The following LAMA3 variants were observed in gnomAD, a reference collection of about 807,000 sequenced individuals.
LAMA3 encodes the protein laminin subunit alpha-3.
In LAMA3, 281 loss-of-function variants were observed where a neutral mutation model predicts 402.0. That is an observed-to-expected ratio of 0.70 (90% confidence interval 0.63 to 0.77). The LOEUF (loss-of-function observed/expected upper bound fraction) is 0.77, where lower values mean the gene tolerates loss of function less well. Ranked by LOEUF, LAMA3 falls within the 30% of genes least tolerant of loss-of-function variation. The pLI is 0.00. For synonymous variants in LAMA3, 1,431 were observed against 1,558.4 expected (o/e 0.92, Z 1.93); for missense variants, 3,840 against 4,215.5 (o/e 0.91, Z 2.47).
rs760698946 is a variant in LAMA3, at chr18:23,921,589, A to G, written c.8177+4A>G. ...TTCCAATTGCAATCAGGGAAAGGTA[A>G]GATGATTTTTTTAAAACGAGATTTA... On this transcript the variant is annotated splice_donor_region_variant and intron_variant, in intron 62 of 74. Transcript: ENST00000313654. The G allele has an allele frequency of 7.4e-6, 12 of 1,613,732 alleles. No homozygotes were observed. Among genetic ancestry groups the G allele is most frequent in the Non-Finnish European group, 1.0e-5 (12 of 1,179,900 alleles).
At chr18:23,693,879 C>T (rs1426861676) in intron 1 of LAMA3, among the ~76,000 whole-genome samples, 2 of 152,202 alleles carry the variant, frequency 1.3e-5, no homozygotes, top group Non-Finnish European at 2.9e-5. Context: ...TACTAAGTGG[C>T]ACCTGAGTGG....
chr18:23,949,289 A>G (rs1163996559), intron 70 of LAMA3, among the ~76,000 whole-genome samples: 3 of 152,036 alleles, frequency 2.0e-5, no homozygotes, highest in Admixed American at 6.5e-5. Flanking sequence ...TGGCCTCTTT[A>G]TTTTTGTCAG....
intron 44 of LAMA3, among the ~76,000 whole-genome samples, chr18:23,897,882 G>A (rs2080928489): frequency 6.6e-6 from 1 of 152,124 alleles, no homozygotes; most frequent in Non-Finnish European, 1.5e-5. Flanking sequence ...CAACCCTGCA[G>A]CTAAATACGA....
At chr18:23,731,751 C>T (rs1340278758) in intron 2 of LAMA3, among the ~76,000 whole-genome samples, 2 of 147,178 alleles carry the variant, frequency 1.4e-5, no homozygotes, top group East Asian at 3.9e-4. Flanking sequence ...GCAACAACAG[C>T]CACTGGGGAC....
intron 73 of LAMA3, among the ~76,000 whole-genome samples, chr18:23,952,002 GTTGT>G (rs1007051261): frequency 2.6e-5 from 4 of 152,144 alleles, no homozygotes; most frequent in Admixed American, 2.0e-4. Context: ...TGCTGTTGTT[GTTGT>G]TTGTTTGTTT....
At position 23,765,484 on chromosome 18, in the gene LAMA3, C is replaced by A. The variant is rs541815205; in HGVS notation, c.1182+1961C>A. ...TTAATTGTCTCATAAAGAAAAAAAA[C>A]CATTTTTTAGAGGAATGCTAATGGA... On this transcript the variant is annotated intron_variant, in intron 8 of 74. Transcript: ENST00000313654. Among the ~76,000 whole-genome samples the A allele has an allele frequency of 1.1e-4, 17 of 152,166 alleles. No individual in the cohort carries two copies. The East Asian group carries it at 1.5e-3, about 14-fold the overall frequency.
chr18:23,922,456 A>G lies in LAMA3; in HGVS notation c.8177+871A>G, dbSNP rs976648421. On this transcript the variant is annotated intron_variant, in intron 62 of 74. Transcript: ENST00000313654. ...TCCTTATACATGTGGGCGTCTGTCC[A>G]TTCTACGTAGTCAGGTACTAATCTT... 2.0e-5 allele frequency among the ~76,000 whole-genome samples: 3 copies of G among 152,348 alleles called. 1 individual carries two copies. Among genetic ancestry groups the G allele is most frequent in the Admixed American group, 1.3e-4 (2 of 15,300 alleles).
At chr18:23,710,302 G>A (rs981713765) in intron 1 of LAMA3, 26 of 489,450 alleles carry the variant, frequency 5.3e-5, no homozygotes, top group Middle Eastern at 4.9e-4. Context: ...TGAAAAGACC[G>A]CAAGTTTGAT....
intron 12 of LAMA3, among the ~76,000 whole-genome samples, chr18:23,807,856 A>G (rs1206072771): frequency 6.6e-6 from 1 of 152,232 alleles, no homozygotes; most frequent in Non-Finnish European, 1.5e-5. Flanking sequence ...CCAAGTTGAC[A>G]CAAAATTAAC....
intron 48 of LAMA3, among the ~76,000 whole-genome samples, chr18:23,901,703 A>G (rs1323375017): frequency 2.0e-5 from 3 of 152,010 alleles, no homozygotes; most frequent in African/African-American, 2.4e-5. Context: ...TTTAATGAAC[A>G]TAATTATCAT....
At chr18:23,863,168 AT>A (rs1314554007) in intron 35 of LAMA3, among the ~76,000 whole-genome samples, 1 of 152,172 alleles carries the variant, frequency 6.6e-6, no homozygotes, top group Non-Finnish European at 1.5e-5. Flanking sequence ...AGGGAGGGGA[AT>A]TTGGTGGCTC....
intron 2 of LAMA3, among the ~76,000 whole-genome samples, chr18:23,741,983 A>G (rs369850244): frequency 5.4e-4 from 82 of 152,264 alleles, no homozygotes; most frequent in African/African-American, 2.0e-3. Context: ...TTAGCTGGGC[A>G]TGGTGGTGCA....
intron 66 of LAMA3, among the ~76,000 whole-genome samples, chr18:23,933,337 T>TAGGA (rs1171530686): frequency 1.3e-5 from 2 of 152,190 alleles, no homozygotes; most frequent in Non-Finnish European, 2.9e-5. Flanking sequence ...GATATTAAAG[T>TAGGA]AGGAGATGAA....
chr18:23,826,833 TG>T lies in LAMA3; in HGVS notation c.2669+38del. 2.3e-6 allele frequency: 3 copies of T among 1,326,640 alleles called. No individual in the cohort carries two copies. In the South Asian group the frequency reaches 3.8e-5, roughly 17 times the overall value. The allele number at this position is 1,326,640 out of a possible 1,614,324, so 82.2% of individuals were successfully genotyped here. A position where few individuals can be genotyped will look rare whatever the true frequency, so the allele number is the denominator to read the frequency against. The stretch of plus-strand genomic sequence containing the variant: ...GGGGCAGAAGGTGCAGCCGCATCAT[TG>T]GGGTCCTCTAAATTAGGAGCCTTTA... On this transcript the variant is annotated intron_variant, in intron 22 of 74. Transcript: ENST00000313654.
In LAMA3 at chr18:23,846,280, TG is replaced by T; in HGVS notation, c.3720-16del. The T allele has an allele frequency of 6.2e-7, 1 of 1,613,746 alleles. No individual in the cohort carries two copies. The highest frequency in any genetic ancestry group is 8.5e-7 in the Non-Finnish European group (1 of 1,179,650). The stretch of plus-strand genomic sequence containing the variant: ...CACCTCCCCAGGCATCACCATGAGT[TG>T]TTTCTGTCTCCACAGCCCCCAGACA... On this transcript the variant is annotated splice_polypyrimidine_tract_variant and intron_variant, in intron 30 of 74. Transcript: ENST00000313654.
intron 70 of LAMA3, 68 bp from the exon 71 acceptor site, chr18:23,949,697 C>T (rs1568381292): frequency 1.6e-5 from 24 of 1,503,980 alleles, no homozygotes; most frequent in Admixed American, 3.3e-5. Context: ...CAGTGCCCTT[C>T]GCCTTGGCTA....
Position 23,950,092 on chromosome 18 carries a change from C to A in LAMA3, c.9575C>A (p.Thr3192Asn). The A allele has an allele frequency of 6.2e-7, 1 of 1,614,134 alleles. No homozygotes were observed. Among genetic ancestry groups the A allele is most frequent in the Non-Finnish European group, 8.5e-7 (1 of 1,180,022 alleles). The change falls in exon 72 of 75, where the codon ACT becomes AAT. Residue 3192 changes from threonine (T) to asparagine (N), a missense_variant. Around this residue, in one of 3 missense-constraint regions of LAMA3, gnomAD observed 840 missense variants for 981.9 expected, o/e 0.86. Coordinates refer to ENST00000313654, the MANE Select transcript of LAMA3 (RefSeq NM_198129.4). ...LVFSIRPRSL[T>N]GILIHIGSQP... ...TTCAGCATCCGCCCAAGAAGTCTCA[C>A]TGGGATCCTAATACACATCGGAAGT...
intron 32 of LAMA3, among the ~76,000 whole-genome samples, chr18:23,855,701 G>A (rs954248005): frequency 1.3e-5 from 2 of 152,082 alleles, no homozygotes; most frequent in Non-Finnish European, 2.9e-5. Flanking sequence ...TTCCAAAAGC[G>A]TCTCCGATCC....
chr18:23,714,388 C>T (rs943485796), intron 2 of LAMA3, among the ~76,000 whole-genome samples: 3 of 151,942 alleles, frequency 2.0e-5, no homozygotes, highest in Admixed American at 6.6e-5. Context: ...GGTGTGGTGG[C>T]GGATGCGTGT....
Sources: gnomAD v4.1 joint callset for allele counts (sites outside exome capture counted in the v4.1 genomes callset) on GRCh38, gnomAD v4.1.1 for gene constraint, gnomAD v4.1.1 regional missense constraint, MANE v1.5 for transcripts, NCBI Gene and HGNC (gene_info 2026-07-23, HGNC 2026-07-21) for gene names.